Variants in GTPBP6 observed in about 807,000 individuals in gnomAD.
GTPBP6 encodes the protein GTP binding protein 6.
GTPBP6 carries 33 observed loss-of-function variants against 28.9 expected under a neutral mutation model. That is an observed-to-expected ratio of 1.14 (90% CI 0.87 to 1.53). The LOEUF (loss-of-function observed/expected upper bound fraction) is 1.53. Among genes scored for constraint, GTPBP6 ranks in the 40% most tolerant of loss-of-function variants. GTPBP6 has a pLI of 0.00. For missense variants in GTPBP6, 507 were observed against 408.3 expected, an observed-to-expected ratio of 1.24 and a Z score of -2.08; for synonymous variants, 231 against 192.7, an observed-to-expected ratio of 1.20 and a Z score of -1.65.
At chrX:308,997 T>C (rs954607797) in intron 7 of GTPBP6, among the ~76,000 whole-genome samples, 8 of 152,114 alleles carry the variant, frequency 5.3e-5, no homozygotes, top group Non-Finnish European at 1.0e-4. Context: ...AGTGCTGGGA[T>C]TGCAGGCGTG....
At chrX:315,250 C>T in exon 3 of GTPBP6, 1 of 398,640 alleles carries the variant, frequency 2.5e-6, no homozygotes, top group Non-Finnish European at 4.4e-6. Flanking sequence ...CAGCCATCCT[C>T]TCCACGTTCA....
intron 7 of GTPBP6, among the ~76,000 whole-genome samples, chrX:310,063 G>C (rs1319215188): frequency 7.6e-6 from 1 of 131,290 alleles, no homozygotes; most frequent in African/African-American, 3.2e-5. Flanking sequence ...CCCTCCCCTA[G>C]AGCCTCCAGA....
At chrX:314,084 A>G (rs966076006) in intron 5 of GTPBP6, 66 bp downstream of exon 5, 1 of 1,086,308 alleles carries the variant, frequency 9.2e-7, no homozygotes, top group African/African-American at 2.5e-5. Context: ...AGGGCTGAGA[A>G]GGGTGGCTGC....
chrX:318,044 C>T (rs1270663725), intron 1 of GTPBP6, among the ~76,000 whole-genome samples: 3 of 145,608 alleles, frequency 2.1e-5, no homozygotes, highest in Non-Finnish European at 4.5e-5. Context: ...CTCCTTAGAG[C>T]CTGGCCCCCT....
chrX:305,200 G>A lies in GTPBP6; in HGVS notation c.1428-3C>T. The A allele has an allele frequency of 1.2e-6, 2 of 1,610,988 alleles. No homozygotes were observed. Among genetic ancestry groups the A allele is most frequent in the South Asian group, 1.1e-5 (1 of 91,024 alleles). The stretch of plus-strand genomic sequence containing the variant: ...CTGTGGCCTCCTTATACAGCCAGCT[G>A]GGCACAGATGCGCGTTGTATGGAGA... On this transcript the variant is annotated splice_polypyrimidine_tract_variant and splice_region_variant and intron_variant, in intron 9 of 9. Coordinates refer to ENST00000326153, the Ensembl canonical transcript of GTPBP6.
intron 2 of GTPBP6, among the ~76,000 whole-genome samples, chrX:315,687 C>CACACGCAG (rs1556035873): frequency 2.7e-4 from 3 of 11,174 alleles, no homozygotes; most frequent in Admixed American, 5.7e-4. Context: ...CAAACACATA[C>CACACGCAG]ACACACACAC....
At chrX:313,438 G>A (rs1159706056) in intron 5 of GTPBP6, among the ~76,000 whole-genome samples, 2 of 152,082 alleles carry the variant, frequency 1.3e-5, no homozygotes, top group African/African-American at 4.8e-5. Context: ...CCCAGGAGCT[G>A]GGAGAGGCAG....
At chrX:311,951 G>A in intron 6 of GTPBP6, 1 of 570,148 alleles carries the variant, frequency 1.8e-6, no homozygotes, top group South Asian at 1.9e-5. Context: ...GATGGTGTAG[G>A]TGGGGTGGTG....
At chrX:314,628 A>G (rs779527178) in intron 4 of GTPBP6, among the ~76,000 whole-genome samples, 8 of 151,580 alleles carry the variant, frequency 5.3e-5, no homozygotes, top group African/African-American at 1.5e-4. Context: ...GCCCGCCACC[A>G]CGCCCGGCTA....
exon 10 of GTPBP6, chrX:305,008 C>T: frequency 6.3e-7 from 1 of 1,587,990 alleles, no homozygotes; most frequent in Non-Finnish European, 8.6e-7. Context: ...GCCCCCAACA[C>T]AGCGGTAACG....
At chrX:305,345 G>C (rs1443004719) in intron 9 of GTPBP6, 148 bp from the exon 10 acceptor site, 1 of 653,368 alleles carries the variant, frequency 1.5e-6, no homozygotes, top group African/African-American at 2.1e-5. Context: ...TTTTTGAGAC[G>C]GAGTCTCACT....
At chrX:314,668 G>A (rs1267244939) in intron 4 of GTPBP6, among the ~76,000 whole-genome samples, 8 of 151,934 alleles carry the variant, frequency 5.3e-5, no homozygotes, top group Admixed American at 2.0e-4. Flanking sequence ...AGTACAGACG[G>A]GGTTTCACCG....
At chrX:314,129 G>A (rs764569545) in intron 5 of GTPBP6, 21 bp downstream of exon 5, 28 of 1,600,188 alleles carry the variant, frequency 1.7e-5, no homozygotes, top group South Asian at 4.4e-5. Flanking sequence ...CCTCTGGGAC[G>A]CCGCGCCCGG....
At chrX:310,969 A>G (rs2070274837) in intron 7 of GTPBP6, among the ~76,000 whole-genome samples, 1 of 151,958 alleles carries the variant, frequency 6.6e-6, no homozygotes, top group South Asian at 2.1e-4. Flanking sequence ...GACGTGGAGC[A>G]GGTGCACCCG....
chrX:316,710 C>G (rs1429816045), intron 2 of GTPBP6, among the ~76,000 whole-genome samples: 1 of 152,088 alleles, frequency 6.6e-6, no homozygotes, highest in Non-Finnish European at 1.5e-5. Flanking sequence ...CTCCAGGGCC[C>G]GGTGTGAATC....
chrX:306,864 C>T (rs2070179090), intron 9 of GTPBP6, among the ~76,000 whole-genome samples: 2 of 118,786 alleles, frequency 1.7e-5, no homozygotes, highest in Admixed American at 9.6e-5. Flanking sequence ...GATTAGGCAC[C>T]TGTTGTATGC....
rs201081962 is a variant in GTPBP6, at chrX:307,500, C to T, written c.1287G>A (p.Thr429=). 249 of 1,611,222 alleles carry T rather than the reference C, an allele frequency of 1.5e-4. 1 individual carries two copies. In the African/African-American group the frequency reaches 2.5e-3, roughly 16 times the overall value. ...CAGACACGGGCACGACGTTCGGTTCCGTGGGGCTGTACCTGCAAGGGTGGG... is the reference window on the plus strand; with the variant it reads ...CAGACACGGGCACGACGTTCGGTTCTGTGGGGCTGTACCTGCAAGGGTGGG... Residue 429 remains threonine, a synonymous_variant, in exon 9 of 10, where the codon ACG becomes ACA. Transcript: ENST00000326153.
intron 2 of GTPBP6, among the ~76,000 whole-genome samples, chrX:315,587 G>C (rs1401763541): frequency 1.9e-3 from 31 of 16,622 alleles, no homozygotes; most frequent in East Asian, 7.7e-3. Context: ...CACACACACA[G>C]TAAATACATC....
At chrX:306,872 T>TCC (rs1197177204) in intron 9 of GTPBP6, among the ~76,000 whole-genome samples, 1 of 116,276 alleles carries the variant, frequency 8.6e-6, no homozygotes, top group Non-Finnish European at 1.7e-5. Context: ...ACCTGTTGTA[T>TCC]GCAGTCAGAA....
Sources: gnomAD v4.1 joint callset for allele counts (sites outside exome capture counted in the v4.1 genomes callset) on GRCh38, gnomAD v4.1.1 for gene constraint, MANE v1.5 for transcripts, NCBI Gene and HGNC (gene_info 2026-07-23, HGNC 2026-07-21) for gene names.